Variants in ENPP3 observed in about 807,000 individuals in gnomAD.
ENPP3 encodes the protein ectonucleotide pyrophosphatase/phosphodiesterase 3.
In ENPP3, 104 loss-of-function variants were observed where a neutral mutation model predicts 117.8. The ratio of observed to expected loss-of-function variants is 0.88; its 90% CI spans 0.75 to 1.04. ENPP3 has a LOEUF of 1.04. Among genes scored for constraint, ENPP3 ranks in the 50% least tolerant of loss-of-function variants. The probability of loss-of-function intolerance (pLI) is 0.00; values close to 1 mark genes in which losing one functional copy is unlikely to be tolerated. For missense variants in ENPP3, 1,026 were observed against 1,051.9 expected (o/e 0.98, Z 0.34); for synonymous variants, 380 against 349.9 (o/e 1.09, Z -0.96).
At chr6:131,643,550 C>T (rs1429912836) in intron 2 of ENPP3, among the ~76,000 whole-genome samples, 2 of 152,104 alleles carry the variant, frequency 1.3e-5, no homozygotes, top group Admixed American at 6.6e-5. Flanking sequence ...ACATAGTCAT[C>T]CTCTTTATTA....
chr6:131,669,880 C>G (rs964852403), intron 6 of ENPP3, among the ~76,000 whole-genome samples: 1 of 152,016 alleles, frequency 6.6e-6, no homozygotes, highest in Non-Finnish European at 1.5e-5. Flanking sequence ...AGCAGCAAAG[C>G]CTGTGACTTT....
chr6:131,692,861 A>ATATATTATACAC (rs1562455801), intron 14 of ENPP3, among the ~76,000 whole-genome samples: 2 of 109,556 alleles, frequency 1.8e-5, no homozygotes, highest in African/African-American at 4.7e-5. Flanking sequence ...ATGATATGTG[A>ATATATTATACAC]TATATATGAT....
chr6:131,678,905 CTCTCTT>C (rs1778931485), intron 11 of ENPP3, among the ~76,000 whole-genome samples: 3 of 143,634 alleles, frequency 2.1e-5, no homozygotes, highest in Non-Finnish European at 3.0e-5. Context: ...TTCTTTCTTT[CTCTCTT>C]TCTTTCTTTC....
chr6:131,646,463 T>A (rs139116085), intron 2 of ENPP3, among the ~76,000 whole-genome samples: 1 of 152,202 alleles, frequency 6.6e-6, no homozygotes, highest in Non-Finnish European at 1.5e-5. Flanking sequence ...GTAAGGCTTG[T>A]TTTTTCTTAT....
At chr6:131,720,724 G>A (rs906384834) in intron 17 of ENPP3, among the ~76,000 whole-genome samples, 3 of 152,082 alleles carry the variant, frequency 2.0e-5, no homozygotes, top group African/African-American at 7.2e-5. Context: ...TGGGATTACA[G>A]GTGTGAACCA....
chr6:131,738,301 C>G, intron 23 of ENPP3, 138 bp downstream of exon 23: 1 of 700,382 alleles, frequency 1.4e-6, no homozygotes, highest in Non-Finnish European at 2.3e-6. Flanking sequence ...TCAATCTAGT[C>G]TATCTAAATA....
At chr6:131,677,606 G>A (rs989518631) in intron 10 of ENPP3, among the ~76,000 whole-genome samples, 4 of 152,194 alleles carry the variant, frequency 2.6e-5, no homozygotes, top group Admixed American at 6.5e-5. Context: ...CACACCAAGA[G>A]TGGTCTTAAC....
Position 131,672,176 on chromosome 6 carries a change from A to G in ENPP3, c.642+849A>G, listed in dbSNP as rs73779850. Among the ~76,000 whole-genome samples, 145 of 152,320 alleles carry G rather than the reference A, an allele frequency of 9.5e-4. 2 individuals carry two copies. The highest frequency in any genetic ancestry group is 4.1e-4 in the South Asian group (2 of 4,826). ...GAAGCACAAAAAGTTGAGTTGCCCA[A>G]TGCTTATATTCCTAGCTAAGGTCTA... On this transcript the variant is annotated intron_variant, in intron 7 of 24. Coordinates refer to ENST00000357639, the MANE Select transcript of ENPP3 (RefSeq NM_005021.5).
intron 5 of ENPP3, among the ~76,000 whole-genome samples, chr6:131,654,789 A>G (rs1585623384): frequency 6.6e-6 from 1 of 152,328 alleles, no homozygotes. Context: ...AAAAATGAGT[A>G]TAAATAATGT....
chr6:131,723,640 A>G (rs1780082771), intron 18 of ENPP3, among the ~76,000 whole-genome samples: 1 of 152,036 alleles, frequency 6.6e-6, no homozygotes, highest in Non-Finnish European at 1.5e-5. Flanking sequence ...CTCAAGCCCT[A>G]CCCTAGGTTT....
intron 20 of ENPP3, among the ~76,000 whole-genome samples, chr6:131,730,933 T>G (rs868526180): frequency 7.7e-5 from 11 of 142,758 alleles, no homozygotes; most frequent in Middle Eastern, 7.3e-3. Context: ...AAAAAAAAAA[T>G]TAGACTTCCT....
At chr6:131,712,306 A>T (rs1313583167) in intron 15 of ENPP3, among the ~76,000 whole-genome samples, 1 of 147,088 alleles carries the variant, frequency 6.8e-6, no homozygotes, top group African/African-American at 2.7e-5. Flanking sequence ...CTACTCAAGA[A>T]TTTTGAATTT....
chr6:131,719,849 A>G (rs1313280856), intron 16 of ENPP3, among the ~76,000 whole-genome samples: 1 of 152,108 alleles, frequency 6.6e-6, no homozygotes, highest in Non-Finnish European at 1.5e-5. Flanking sequence ...AGGAAGTTAG[A>G]CTTCATCTAA....
intron 20 of ENPP3, among the ~76,000 whole-genome samples, chr6:131,731,190 C>T (rs928374477): frequency 6.6e-6 from 1 of 152,176 alleles, no homozygotes; most frequent in East Asian, 1.9e-4. Flanking sequence ...TTTCTTCTGG[C>T]TTCTGCATTG....
chr6:131,733,778 G>A lies in ENPP3; in HGVS notation c.2089+55G>A, dbSNP rs572555488. Reference sequence around the variant, plus strand: ...CTTAGAAAGCTCTCATCAGCTGGATGTGGGCATGTGCCTTAAACATATACT... The same window carrying A: ...CTTAGAAAGCTCTCATCAGCTGGATATGGGCATGTGCCTTAAACATATACT... On this transcript the variant is annotated intron_variant, in intron 21 of 24. Coordinates refer to ENST00000357639, the MANE Select transcript of ENPP3 (RefSeq NM_005021.5). 212 of 1,580,196 alleles carry A rather than the reference G, an allele frequency of 1.3e-4. 2 individuals are homozygous for A. The African/African-American group carries it at 2.6e-3, about 19-fold the overall frequency.
intron 6 of ENPP3, among the ~76,000 whole-genome samples, chr6:131,666,583 T>G (rs1422066651): frequency 6.6e-6 from 1 of 152,224 alleles, no homozygotes; most frequent in East Asian, 1.9e-4. Flanking sequence ...TGAATAATTT[T>G]TAAAGGCCTG....
chr6:131,722,628 G>C (rs892690179), intron 18 of ENPP3, among the ~76,000 whole-genome samples: 6 of 152,210 alleles, frequency 3.9e-5, no homozygotes, highest in Non-Finnish European at 5.9e-5. Flanking sequence ...GGAAAGCACT[G>C]TTTGGTAATT....
intron 14 of ENPP3, among the ~76,000 whole-genome samples, chr6:131,690,477 G>T (rs1442752213): frequency 1.3e-5 from 2 of 152,200 alleles, no homozygotes; most frequent in Non-Finnish European, 2.9e-5. Flanking sequence ...TAAAATTCAG[G>T]TATGTAGTTT....
At chr6:131,671,421 T>C (rs1778739215) in intron 7 of ENPP3, 94 bp downstream of exon 7, 1 of 769,756 alleles carries the variant, frequency 1.3e-6, no homozygotes, top group Admixed American at 2.2e-5. Flanking sequence ...GTTCTGTGAC[T>C]TACCCTTCTG....
Sources: allele counts gnomAD v4.1 joint callset (sites outside exome capture counted in the v4.1 genomes callset), GRCh38; gene constraint gnomAD v4.1.1; transcripts MANE v1.5; gene names NCBI Gene and HGNC (gene_info 2026-07-23, HGNC 2026-07-21).